CTIF: variants seen among roughly 807,000 people sequenced by gnomAD.
CTIF encodes cap binding complex dependent translation initiation factor.
A neutral mutation model predicts 66.0 loss-of-function variants in CTIF; 21 were observed. That is an observed-to-expected ratio of 0.32 (90% CI 0.23 to 0.46). CTIF has a LOEUF of 0.46. Ranked by LOEUF, CTIF falls within the 20% of genes least tolerant of loss-of-function variation. CTIF has a pLI of 1.00. For synonymous variants in CTIF, 345 were observed against 326.4 expected (o/e 1.06, Z -0.62); for missense variants, 739 against 812.7 (o/e 0.91, Z 1.10).
At chr18:48,606,558 A>G (rs1014785622) in intron 1 of CTIF, among the ~76,000 whole-genome samples, 1 of 152,006 alleles carries the variant, frequency 6.6e-6, no homozygotes, top group African/African-American at 2.4e-5. Flanking sequence ...ATGACTTCGG[A>G]CTCCCTGGAG....
Position 48,786,839 on chromosome 18 carries a change from C to T in CTIF, c.1371+25150C>T, listed in dbSNP as rs570935010. On this transcript the variant is annotated intron_variant, in intron 9 of 11. Coordinates refer to ENST00000256413, the MANE Select transcript of CTIF (RefSeq NM_014772.3). The stretch of plus-strand genomic sequence containing the variant: ...TCCTCCTCTCCCACCATGGTCATTA[C>T]CACCCTTCCCCCCACCCACCCCCAG... Among the ~76,000 whole-genome samples, 7 of 151,830 alleles carry T rather than the reference C, an allele frequency of 4.6e-5. No individual in the cohort carries two copies. The East Asian group carries it at 1.4e-3, about 30-fold the overall frequency.
rs530641514 is a variant in CTIF at position 48,669,669 on chromosome 18, A to G, written c.432-1000A>G. Among the ~76,000 whole-genome samples the G allele has an allele frequency of 5.4e-4, 82 of 151,382 alleles. 1 individual carries two copies. The highest frequency in any genetic ancestry group is 1.9e-3 in the African/African-American group (80 of 41,294). ...CATTATTTATTTTAATTTTGTTATT[A>G]TTACCAGTATTTACCATTAAACATA... On this transcript the variant is annotated intron_variant, in intron 5 of 11. Transcript: ENST00000256413.
intron 10 of CTIF, among the ~76,000 whole-genome samples, chr18:48,842,096 G>A (rs2068958075): frequency 6.6e-6 from 1 of 152,214 alleles, no homozygotes. Context: ...GGGTTGGAGA[G>A]ACGGGGACGT....
In CTIF at chr18:48,860,276, G is replaced by C. The variant is rs897009751; in HGVS notation, c.*717G>C. The C allele has an allele frequency of 3.3e-6, 1 of 301,466 alleles. No individual in the cohort carries two copies. Among genetic ancestry groups the C allele is most frequent in the Non-Finnish European group, 6.6e-6 (1 of 152,250 alleles). 18.7% of individuals were successfully genotyped at this position (301,466 alleles called of 1,614,324 possible). On this transcript the variant is annotated 3_prime_UTR_variant, in exon 12 of 12. Transcript: ENST00000256413. ...TATTGTGTTTTATTTTTCAAAAGTC[G>C]GTTGCTTTGAAGTCTCTTTGGCCAA...
At chr18:48,555,070 C>G (rs753269749) in intron 1 of CTIF, among the ~76,000 whole-genome samples, 1 of 152,132 alleles carries the variant, frequency 6.6e-6, no homozygotes, top group Non-Finnish European at 1.5e-5. Context: ...TCCTGGCTTC[C>G]CTTCTCTGTA....
intron 9 of CTIF, among the ~76,000 whole-genome samples, chr18:48,813,555 A>C (rs1052306064): frequency 2.0e-5 from 3 of 152,234 alleles, no homozygotes; most frequent in Non-Finnish European, 4.4e-5. Flanking sequence ...CTGCTTAGGC[A>C]GAGTCTCCCT....
chr18:48,770,631 T>C (rs983446092), intron 9 of CTIF, among the ~76,000 whole-genome samples: 2 of 152,194 alleles, frequency 1.3e-5, no homozygotes, highest in African/African-American at 4.8e-5. Context: ...AGCAGACAGG[T>C]GTGGGTCGTG....
intron 9 of CTIF, 89 bp from the exon 10 acceptor site, chr18:48,817,132 C>T (rs2068380635): frequency 2.9e-6 from 4 of 1,358,230 alleles, no homozygotes; most frequent in African/African-American, 1.4e-5. Context: ...AGGAGCAGCC[C>T]CAAGACAACA....
intron 10 of CTIF, among the ~76,000 whole-genome samples, chr18:48,821,540 A>T (rs1489874677): frequency 6.6e-6 from 1 of 152,252 alleles, no homozygotes; most frequent in Admixed American, 6.5e-5. Context: ...CTCAGCACCT[A>T]TATGGTAGGA....
rs370185242 is a variant in CTIF, at chr18:48,711,743, G to A, written c.584+48G>A. 4.4e-5 allele frequency: 66 copies of A among 1,495,590 alleles called. No homozygotes were observed. In the African/African-American group the frequency reaches 5.7e-4, roughly 13 times the overall value. 92.6% of individuals were successfully genotyped at this position (1,495,590 alleles called of 1,614,324 possible). On this transcript the variant is annotated intron_variant, in intron 7 of 11. Coordinates refer to ENST00000256413, the MANE Select transcript of CTIF (RefSeq NM_014772.3). Reference sequence around the variant, plus strand: ...CTTTGGGTTTTCCTTTCCTGCTTCTGCCATCTGTAGCGACGTCAGCTTTGG... The same window carrying A: ...CTTTGGGTTTTCCTTTCCTGCTTCTACCATCTGTAGCGACGTCAGCTTTGG...
At chr18:48,575,973 C>T (rs1462494108) in intron 1 of CTIF, among the ~76,000 whole-genome samples, 1 of 152,268 alleles carries the variant, frequency 6.6e-6, no homozygotes, top group Non-Finnish European at 1.5e-5. Context: ...TGGAGACCCA[C>T]ACATGCCAGG....
At chr18:48,681,909 C>A (rs2091750802) in intron 6 of CTIF, among the ~76,000 whole-genome samples, 1 of 152,176 alleles carries the variant, frequency 6.6e-6, no homozygotes, top group Non-Finnish European at 1.5e-5. Context: ...CCTCAGCCTC[C>A]CAAGTAGCTA....
At chr18:48,658,500 A>G (rs545547553) in intron 3 of CTIF, among the ~76,000 whole-genome samples, 1 of 151,890 alleles carries the variant, frequency 6.6e-6, no homozygotes, top group South Asian at 2.1e-4. Flanking sequence ...ATATGCATGT[A>G]TGTGTGTAGT....
chr18:48,814,016 CT>C (rs1215218615), intron 9 of CTIF, among the ~76,000 whole-genome samples: 4 of 152,182 alleles, frequency 2.6e-5, no homozygotes, highest in Non-Finnish European at 5.9e-5. Context: ...AAGCTACCCC[CT>C]GTCTTTGGTC....
chr18:48,563,752 G>T (rs1413889349), intron 1 of CTIF, among the ~76,000 whole-genome samples: 1 of 152,222 alleles, frequency 6.6e-6, no homozygotes, highest in Non-Finnish European at 1.5e-5. Flanking sequence ...GATTACAGGC[G>T]TGAGCCACCG....
intron 3 of CTIF, among the ~76,000 whole-genome samples, chr18:48,660,144 G>A (rs1164871613): frequency 1.6e-5 from 2 of 125,510 alleles, no homozygotes; most frequent in Non-Finnish European, 3.3e-5. Context: ...AGGTTTCTTG[G>A]CATTTAAATA....
chr18:48,698,609 C>T (rs2092040307), intron 6 of CTIF, among the ~76,000 whole-genome samples: 2 of 152,212 alleles, frequency 1.3e-5, no homozygotes, highest in African/African-American at 4.8e-5. Flanking sequence ...CTCTAAGCTT[C>T]ACATATTAAA....
chr18:48,732,907 G>T (rs1047622736), intron 7 of CTIF, among the ~76,000 whole-genome samples: 9 of 152,170 alleles, frequency 5.9e-5, no homozygotes, highest in Admixed American at 1.3e-4. Flanking sequence ...TTTCAATAGA[G>T]GCCGTGGTGT....
chr18:48,632,101 A>C (rs2090728849), intron 2 of CTIF, among the ~76,000 whole-genome samples: 1 of 152,136 alleles, frequency 6.6e-6, no homozygotes, highest in African/African-American at 2.4e-5. Context: ...CCCAGCAGGG[A>C]TGGGGAGGAA....
Sources: gnomAD v4.1 joint callset for allele counts (sites outside exome capture counted in the v4.1 genomes callset) on GRCh38, gnomAD v4.1.1 for gene constraint, MANE v1.5 for transcripts, NCBI Gene and HGNC (gene_info 2026-07-23, HGNC 2026-07-21) for gene names.